CTNNA3: variants seen among roughly 807,000 people sequenced by gnomAD.
The protein encoded by CTNNA3 is catenin alpha-3.
CTNNA3 carries 76 observed loss-of-function variants against 95.7 expected under a neutral mutation model. The observed-to-expected ratio is 0.79, with a 90% confidence interval of 0.66 to 0.96. The LOEUF is 0.96. Among genes scored for constraint, CTNNA3 ranks in the 40% least tolerant of loss-of-function variants. The pLI, the probability that CTNNA3 is intolerant of heterozygous loss-of-function variation, is 0.00. For missense variants in CTNNA3, 1,191 were observed against 1,089.8 expected (o/e 1.09, Z -1.31); for synonymous variants, 431 against 374.4 (o/e 1.15, Z -1.74).
At chr10:66,058,050 C>T (rs1223972407) in intron 15 of CTNNA3, among the ~76,000 whole-genome samples, 1 of 152,118 alleles carries the variant, frequency 6.6e-6, no homozygotes, top group Non-Finnish European at 1.5e-5. Flanking sequence ...ATTCCCTTTG[C>T]TGTGTGTGCT....
At chr10:66,470,560 C>T (rs1430373467) in intron 11 of CTNNA3, among the ~76,000 whole-genome samples, 1 of 151,826 alleles carries the variant, frequency 6.6e-6, no homozygotes, top group Non-Finnish European at 1.5e-5. Context: ...CAGTTATAAA[C>T]ATGGATTTTG....
chr10:66,153,122 CA>C (rs1460377614), intron 13 of CTNNA3, among the ~76,000 whole-genome samples: 5 of 151,868 alleles, frequency 3.3e-5, no homozygotes, highest in African/African-American at 9.6e-5. Flanking sequence ...GTTTCTTTTT[CA>C]AATATGCGTG....
chr10:67,502,079 G>T (rs947970952), intron 5 of CTNNA3, among the ~76,000 whole-genome samples: 2 of 152,106 alleles, frequency 1.3e-5, no homozygotes, highest in Non-Finnish European at 2.9e-5. Flanking sequence ...TTTTGTGCTG[G>T]TTTTTTCCTC....
At chr10:66,674,352 A>C (rs1304477246) in intron 9 of CTNNA3, among the ~76,000 whole-genome samples, 2 of 151,818 alleles carry the variant, frequency 1.3e-5, no homozygotes, top group African/African-American at 2.4e-5. Context: ...TCAGTTTCTA[A>C]GTCCTTGGTA....
In CTNNA3 at chr10:66,927,692, A is replaced by T. The variant is rs778785119; in HGVS notation, c.1048-152168T>A. 6.2e-7 allele frequency: 1 copy of T among 1,614,154 alleles called. No homozygotes were observed. Among genetic ancestry groups the T allele is most frequent in the Admixed American group, 1.7e-5 (1 of 60,014 alleles). On this transcript the variant is annotated intron_variant, in intron 7 of 17. Coordinates refer to ENST00000433211, the MANE Select transcript of CTNNA3 (RefSeq NM_013266.4). This position sits in a 1 kb window ranked among gnomAD's most constrained non-coding sequence, Gnocchi z 4.7. Reference sequence around the variant, plus strand: ...ACCTGGAGCTCCTTACAAAGGCTTGATTTATCAGGCAATGAGATCGAAGCT... The same window carrying T: ...ACCTGGAGCTCCTTACAAAGGCTTGTTTTATCAGGCAATGAGATCGAAGCT...
At chr10:66,345,983 A>G (rs1432602773) in intron 12 of CTNNA3, among the ~76,000 whole-genome samples, 2 of 149,174 alleles carry the variant, frequency 1.3e-5, no homozygotes, top group Non-Finnish European at 3.0e-5. Flanking sequence ...AGGCCGAGAC[A>G]GGAGAATTGC....
intron 1 of CTNNA3, among the ~76,000 whole-genome samples, chr10:67,664,195 G>A (rs561466755): frequency 7.2e-5 from 11 of 152,256 alleles, no homozygotes; most frequent in African/African-American, 2.4e-4. Flanking sequence ...TCTTGATCAT[G>A]TCTGTTCTAT....
intron 7 of CTNNA3, among the ~76,000 whole-genome samples, chr10:66,789,174 A>G (rs746949846): frequency 6.6e-6 from 1 of 150,930 alleles, no homozygotes; most frequent in South Asian, 2.1e-4. Context: ...TTTTTTGTTT[A>G]TTTGTTTGTT....
chr10:66,464,598 A>G (rs1233663005), intron 11 of CTNNA3, among the ~76,000 whole-genome samples: 1 of 152,046 alleles, frequency 6.6e-6, no homozygotes, highest in Non-Finnish European at 1.5e-5. Context: ...CCCCATCTCT[A>G]CTAAAAATAC....
intron 5 of CTNNA3, among the ~76,000 whole-genome samples, chr10:67,298,520 C>T (rs925093714): frequency 6.6e-6 from 1 of 152,218 alleles, no homozygotes; most frequent in African/African-American, 2.4e-5. Context: ...ATAGTACTTG[C>T]TTCTTCCTGC....
chr10:66,235,698 C>T (rs1037982), intron 13 of CTNNA3, among the ~76,000 whole-genome samples: 67,739 of 151,792 alleles, frequency 0.45, 15,495 homozygotes, highest in Admixed American at 0.55. Flanking sequence ...AAAATAGATC[C>T]GCCATGAACA....
intron 13 of CTNNA3, among the ~76,000 whole-genome samples, chr10:66,240,767 T>A (rs1183830018): frequency 6.6e-6 from 1 of 151,994 alleles, no homozygotes; most frequent in African/African-American, 2.4e-5. Context: ...AACCAAAGGA[T>A]GAATTTTGAG....
At chr10:67,198,718 C>T (rs896450975) in intron 6 of CTNNA3, among the ~76,000 whole-genome samples, 4 of 152,140 alleles carry the variant, frequency 2.6e-5, no homozygotes, top group Admixed American at 1.3e-4. Context: ...ATATCCTTTC[C>T]AAATTGAGAA....
intron 13 of CTNNA3, among the ~76,000 whole-genome samples, chr10:66,243,499 T>C (rs1160055183): frequency 6.6e-6 from 1 of 152,206 alleles, no homozygotes; most frequent in African/African-American, 2.4e-5. Context: ...CTATTGATTC[T>C]AGGTCTTTAG....
intron 9 of CTNNA3, among the ~76,000 whole-genome samples, chr10:66,763,424 A>G (rs1198004320): frequency 6.6e-6 from 1 of 151,702 alleles, no homozygotes; most frequent in Non-Finnish European, 1.5e-5. Flanking sequence ...CCTAAAAATC[A>G]TTTTTATTTT....
intron 13 of CTNNA3, among the ~76,000 whole-genome samples, chr10:66,176,754 A>T (rs2085733861): frequency 6.6e-6 from 1 of 152,034 alleles, no homozygotes; most frequent in Non-Finnish European, 1.5e-5. Context: ...TAGACACCAA[A>T]TATGCCTTGA....
At chr10:67,647,061 T>A (rs1483480961) in intron 2 of CTNNA3, among the ~76,000 whole-genome samples, 1 of 151,192 alleles carries the variant, frequency 6.6e-6, no homozygotes, top group Non-Finnish European at 1.5e-5. Context: ...ATCTATGTAA[T>A]AAAGATGGTT....
intron 10 of CTNNA3, among the ~76,000 whole-genome samples, chr10:66,621,120 C>T (rs750739648): frequency 2.0e-5 from 3 of 151,876 alleles, no homozygotes; most frequent in African/African-American, 2.4e-5. Context: ...TTTTTCAAAC[C>T]GATACCTTCT....
intron 15 of CTNNA3, among the ~76,000 whole-genome samples, chr10:66,006,559 A>T (rs2078889205): frequency 1.3e-5 from 2 of 151,784 alleles, no homozygotes; most frequent in South Asian, 4.2e-4. Context: ...ATACCATCAC[A>T]CTCTCTGACT....
Sources: gnomAD v4.1 joint callset for allele counts (sites outside exome capture counted in the v4.1 genomes callset) on GRCh38, gnomAD v4.1.1 for gene constraint, Gnocchi (gnomAD v3.1) non-coding constraint, MANE v1.5 for transcripts, NCBI Gene and HGNC (gene_info 2026-07-23, HGNC 2026-07-21) for gene names.